The following LIPF variants were observed in gnomAD, a reference collection of about 807,000 sequenced individuals.
LIPF encodes the protein gastric triacylglycerol lipase.
A neutral mutation model predicts 38.0 loss-of-function variants in LIPF; 25 were observed. The ratio of observed to expected loss-of-function variants is 0.66; its 90% confidence interval spans 0.48 to 0.92. The LOEUF (loss-of-function observed/expected upper bound fraction) is 0.92. Among genes scored for constraint, LIPF ranks in the 40% least tolerant of loss-of-function variants. LIPF has a pLI of 0.00. For synonymous variants in LIPF, 161 were observed against 156.2 expected, an observed-to-expected ratio of 1.03 and a Z score of -0.23; for missense variants, 410 against 469.9, an observed-to-expected ratio of 0.87 and a Z score of 1.18.
In LIPF at chr10:88,676,222, G is replaced by A. The variant is rs769567774; in HGVS notation, c.902G>A (p.Gly301Glu). Residue 301 changes from glycine (G) to glutamate (E), a missense_variant, in exon 9 of 10, where the codon GGG (glycine) becomes GAG (glutamate). Coordinates refer to ENST00000238983, the MANE Select transcript of LIPF (RefSeq NM_004190.4). ...TCTCTATGTTAGGCTGTTAAGTCTGGGAAATTCCAAGCTTATGACTGGGGA... is the reference window on the plus strand; with the variant it reads ...TCTCTATGTTAGGCTGTTAAGTCTGAGAAATTCCAAGCTTATGACTGGGGA... ...MFHWTQAVKS[G>E]KFQAYDWGSP... 1 of 1,604,412 alleles carries A rather than the reference G, an allele frequency of 6.2e-7. No individual in the cohort carries two copies. Among genetic ancestry groups the A allele is most frequent in the Admixed American group, 1.7e-5 (1 of 59,462 alleles).
chr10:88,673,640 T>C lies in LIPF; in HGVS notation c.722T>C (p.Leu241Pro), dbSNP rs1349847942. ...CCACACAACTTCTTTGATCAATTTCTTGCTACTGAAGTGTGCTCCCGTGAG... is the reference window on the plus strand; with the variant it reads ...CCACACAACTTCTTTGATCAATTTCCTGCTACTGAAGTGTGCTCCCGTGAG... ...FYPHNFFDQF[L>P]ATEVCSREML... The change falls in exon 7 of 10, where the codon CTT becomes CCT. Residue 241 changes from leucine (L) to proline (P), a missense_variant. Coordinates refer to ENST00000238983, the MANE Select transcript of LIPF (RefSeq NM_004190.4). 1 of 1,611,914 alleles carries C rather than the reference T, an allele frequency of 6.2e-7. No homozygotes were observed. The highest frequency in any genetic ancestry group is 1.1e-5 in the South Asian group (1 of 90,854).
chr10:88,672,666 A>ACTCTCTCTCTCTCT (rs1345269877), intron 6 of LIPF, among the ~76,000 whole-genome samples: 2 of 121,876 alleles, frequency 1.6e-5, no homozygotes, highest in African/African-American at 6.8e-5. Context: ...ACACACACAC[A>ACTCTCTCTCTCTCT]CACACTCTCT....
intron 3 of LIPF, among the ~76,000 whole-genome samples, chr10:88,668,330 A>G (rs1479843297): frequency 6.6e-6 from 1 of 152,226 alleles, no homozygotes; most frequent in Non-Finnish European, 1.5e-5. Context: ...TGTAACTGGC[A>G]TATAATAAGC....
rs754877066 is a variant in LIPF, at chr10:88,671,864, A to G, written c.568A>G (p.Lys190Glu). 24 of 1,613,328 alleles carry G rather than the reference A, an allele frequency of 1.5e-5. No individual in the cohort carries two copies. Among genetic ancestry groups the G allele is most frequent in the Non-Finnish European group, 1.9e-5 (22 of 1,179,724 alleles). Residue 190 changes from lysine to glutamate, a missense_variant, in exon 6 of 10, where the codon AAA (lysine) becomes GAA (glutamate). Transcript: ENST00000238983. ...IAFSTNPSLA[K>E]RIKTFYALAP... ...CTTTTCCACCAATCCCAGCCTGGCT[A>G]AAAGAATCAAAACCTTCTATGCTCT...
chr10:88,667,838 G>A lies in LIPF; in HGVS notation c.223+152G>A, dbSNP rs576927014. On this transcript the variant is annotated intron_variant, in intron 3 of 9. Transcript: ENST00000238983. ...TTTCTTGCTAAAAATGTAATGTCTT[G>A]CTCATTCTGGAAATGCAAAAATAAG... 2.0e-4 allele frequency: 114 copies of A among 561,702 alleles called. No homozygotes were observed. In the African/African-American group the frequency reaches 2.1e-3, roughly 10 times the overall value. 34.8% of individuals were successfully genotyped at this position (561,702 alleles called of 1,614,324 possible).
chr10:88,674,130 C>A (rs1419072411), intron 7 of LIPF, among the ~76,000 whole-genome samples: 5 of 152,146 alleles, frequency 3.3e-5, no homozygotes, highest in Non-Finnish European at 5.9e-5. Flanking sequence ...TTTGATAAAT[C>A]TTACAGACTA....
Position 88,664,470 on chromosome 10 carries a change from CCTAA to C in LIPF, c.-29_-26del, listed in dbSNP as rs1322021793. 6.5e-6 allele frequency: 1 copy of C among 152,676 alleles called. No homozygotes were observed. The highest frequency in any genetic ancestry group is 1.5e-5 in the Non-Finnish European group (1 of 68,028). The allele number at this position is 152,676 out of a possible 1,614,324, so 9.5% of individuals were successfully genotyped here. The stretch of plus-strand genomic sequence containing the variant: ...TACTAACCAGCCAGAGAAACAGAAT[CCTAA>C]CTATTTCTGAGGAAACTGTAAGTAG... On this transcript the variant is annotated 5_prime_UTR_variant, in exon 1 of 10. Transcript: ENST00000238983.
chr10:88,667,631 T>A lies in LIPF; in HGVS notation c.168T>A (p.Gly56=). The A allele has an allele frequency of 6.3e-7, 1 of 1,599,098 alleles. No individual in the cohort carries two copies. The highest frequency in any genetic ancestry group is 8.6e-7 in the Non-Finnish European group (1 of 1,166,966). ...AATATGAAGTTGTGACTGAAGATGG[T>A]TATATTCTTGAAGTCAATAGAATTC... ...NEEYEVVTED[G]YILEVNRIPY... is the part of the protein sequence containing the mutation. The change falls in exon 3 of 10, where the codon GGT becomes GGA. Residue 56 remains glycine (G), a synonymous_variant. Transcript: ENST00000238983.
intron 6 of LIPF, among the ~76,000 whole-genome samples, chr10:88,673,077 A>G (rs1425687982): frequency 6.6e-6 from 1 of 152,178 alleles, no homozygotes; most frequent in African/African-American, 2.4e-5. Flanking sequence ...TTCCTCGTGT[A>G]TAAAATAGAG....
In LIPF at chr10:88,673,661, G is replaced by A. The variant is rs149098914; in HGVS notation, c.743G>A (p.Arg248His). ...TTTCTTGCTACTGAAGTGTGCTCCC[G>A]TGAGATGCTGAATCTCCTTTGCAGC... The part of the protein sequence containing the change: ...DQFLATEVCS[R>H]EMLNLLCSNA... Residue 248 changes from arginine (R) to histidine (H), a missense_variant, in exon 7 of 10, where the codon CGT (arginine) becomes CAT (histidine). By Grantham distance (29) the Arg-to-His change is conservative. Transcript: ENST00000238983. The A allele has an allele frequency of 3.8e-5, 61 of 1,612,532 alleles. No individual in the cohort carries two copies. The South Asian group carries it at 4.9e-4, about 13-fold the overall frequency.
At chr10:88,665,344 GTACTAT>G (rs1841495003) in intron 1 of LIPF, 6 of 517,434 alleles carry the variant, frequency 1.2e-5, no homozygotes, top group Non-Finnish European at 2.1e-5. Context: ...ATAGAGAAAT[GTACTAT>G]TACAGGCCCT....
At chr10:88,673,840 T>C in intron 7 of LIPF, 106 bp downstream of exon 7, 1 of 804,084 alleles carries the variant, frequency 1.2e-6, no homozygotes, top group South Asian at 1.7e-5. Context: ...GGTTCAGAAC[T>C]GCGATATCCT....
intron 6 of LIPF, among the ~76,000 whole-genome samples, chr10:88,672,523 A>T (rs1183918672): frequency 6.6e-6 from 1 of 152,040 alleles, no homozygotes; most frequent in African/African-American, 2.4e-5. Flanking sequence ...ATTTCAATAA[A>T]TTATAAATAT....
chr10:88,666,620 G>A (rs1459329579), intron 1 of LIPF, among the ~76,000 whole-genome samples: 3 of 152,094 alleles, frequency 2.0e-5, no homozygotes, highest in African/African-American at 4.8e-5. Context: ...GCTTTGGGAA[G>A]CCCAGGCGGG....
chr10:88,672,092 G>C (rs377464061), intron 6 of LIPF, 127 bp downstream of exon 6: 1 of 883,686 alleles, frequency 1.1e-6, no homozygotes, highest in Non-Finnish European at 1.7e-6. Flanking sequence ...GGAACTGTTC[G>C]CATCTGTATT....
chr10:88,669,811 C>A, intron 4 of LIPF, 26 bp from the exon 5 acceptor site: 2 of 1,472,266 alleles, frequency 1.4e-6, no homozygotes, highest in Non-Finnish European at 1.9e-6. Flanking sequence ...AATGTATTCA[C>A]TTTCATTTTG....
chr10:88,676,392 T>C (rs1023764534), intron 9 of LIPF, 112 bp downstream of exon 9: 4 of 673,042 alleles, frequency 5.9e-6, no homozygotes, highest in Admixed American at 2.9e-5. Flanking sequence ...GGAATGTTGA[T>C]GTTCTGTCTC....
At chr10:88,665,464 C>A in intron 1 of LIPF, 3 of 1,101,214 alleles carry the variant, frequency 2.7e-6, no homozygotes, top group Non-Finnish European at 4.0e-6. Context: ...GTGTTAATTA[C>A]TGGTATTTTC....
In LIPF at chr10:88,668,776, A is replaced by G. The variant is rs1327910515; in HGVS notation, c.422+20A>G. On this transcript the variant is annotated intron_variant, in intron 4 of 9. Transcript: ENST00000238983. ...TTTCAGGTAAACAAAAGGGACAATT[A>G]AAAATAAACACTGGGCTTTAAAAGC... 1 of 1,601,962 alleles carries G rather than the reference A, an allele frequency of 6.2e-7. No individual in the cohort carries two copies. The highest frequency in any genetic ancestry group is 8.5e-7 in the Non-Finnish European group (1 of 1,169,980).
Sources: gnomAD v4.1 joint callset for allele counts (sites outside exome capture counted in the v4.1 genomes callset) on GRCh38, gnomAD v4.1.1 for gene constraint, MANE v1.5 for transcripts, NCBI Gene and HGNC (gene_info 2026-07-23, HGNC 2026-07-21) for gene names.